Variants in SKAP2 observed in about 807,000 individuals in gnomAD.
The protein encoded by SKAP2 is src kinase-associated phosphoprotein 2.
In SKAP2, 28 loss-of-function variants were observed where a neutral mutation model predicts 54.9. The ratio of observed to expected loss-of-function variants is 0.51; its 90% confidence interval spans 0.38 to 0.70. SKAP2 has a LOEUF of 0.70. Ranked by LOEUF, SKAP2 falls within the 30% of genes least tolerant of loss-of-function variation. The probability of loss-of-function intolerance (pLI) is 0.00; values close to 1 mark genes in which losing one functional copy is unlikely to be tolerated. For missense variants in SKAP2, 356 were observed against 424.1 expected (o/e 0.84, Z 1.41); for synonymous variants, 137 against 134.3 (o/e 1.02, Z -0.14).
chr7:26,838,094 T>C (rs1054025893), intron 4 of SKAP2, among the ~76,000 whole-genome samples: 2 of 152,170 alleles, frequency 1.3e-5, no homozygotes, highest in African/African-American at 4.8e-5. Context: ...AGCAAAGCAT[T>C]TAGCTTGCTA....
chr7:26,684,982 A>C, intron 10 of SKAP2, 134 bp from the exon 11 acceptor site: 1 of 597,822 alleles, frequency 1.7e-6, no homozygotes, highest in South Asian at 2.2e-5. Flanking sequence ...TGAGTAAACG[A>C]ATACTTTATT....
At chr7:26,747,779 C>T (rs985685180) in intron 4 of SKAP2, among the ~76,000 whole-genome samples, 2 of 151,618 alleles carry the variant, frequency 1.3e-5, no homozygotes, top group Admixed American at 1.3e-4. Flanking sequence ...TCCTTTTCCC[C>T]CTCTTCCCTC....
At chr7:26,823,425 CAAAAAAAAAAA>C (rs60207927) in intron 4 of SKAP2, among the ~76,000 whole-genome samples, 1 of 94,018 alleles carries the variant, frequency 1.1e-5, no homozygotes, top group African/African-American at 4.5e-5. Context: ...GACTTTGTCT[CAAAAAAAAAAA>C]AAAAAAAAAC....
chr7:26,757,387 A>C (rs978446639), intron 4 of SKAP2, among the ~76,000 whole-genome samples: 7 of 152,202 alleles, frequency 4.6e-5, no homozygotes, highest in Admixed American at 3.9e-4. Context: ...AGCTTTCTAC[A>C]TATGGCTGGC....
chr7:26,725,368 A>T, intron 9 of SKAP2, 60 bp downstream of exon 9: 1 of 1,264,504 alleles, frequency 7.9e-7, no homozygotes, highest in Non-Finnish European at 1.1e-6. Context: ...ACACACACAC[A>T]CACTCACACA....
At chr7:26,791,482 C>T (rs1056862618) in intron 4 of SKAP2, among the ~76,000 whole-genome samples, 4 of 152,020 alleles carry the variant, frequency 2.6e-5, no homozygotes, top group African/African-American at 9.7e-5. Context: ...AGCCTCAATA[C>T]ACAATTTTTT....
intron 2 of SKAP2, 90 bp downstream of exon 2, chr7:26,854,695 T>C: frequency 3.1e-6 from 4 of 1,305,516 alleles, no homozygotes. Flanking sequence ...ATGAAAAATT[T>C]AACTCCATAA....
chr7:26,670,427 C>G (rs1290510411), intron 11 of SKAP2, among the ~76,000 whole-genome samples: 4 of 152,030 alleles, frequency 2.6e-5, no homozygotes, highest in African/African-American at 9.7e-5. Flanking sequence ...CAGAAACAAT[C>G]ACTCATGATG....
chr7:26,784,660 C>T (rs10262527), intron 4 of SKAP2, among the ~76,000 whole-genome samples: 12,921 of 152,246 alleles, frequency 0.085, 614 homozygotes, highest in Middle Eastern at 0.16. Flanking sequence ...TAATGATCAA[C>T]ACAGGCATCT....
At chr7:26,841,264 A>G (rs778751344) in intron 4 of SKAP2, among the ~76,000 whole-genome samples, 10 of 152,004 alleles carry the variant, frequency 6.6e-5, no homozygotes, top group Non-Finnish European at 1.5e-4. Context: ...ACCCTTTATC[A>G]GCTCACAATA....
chr7:26,674,004 A>T (rs1479931427), intron 11 of SKAP2, among the ~76,000 whole-genome samples: 2 of 152,132 alleles, frequency 1.3e-5, no homozygotes, highest in African/African-American at 4.8e-5. Context: ...CATGACTGTC[A>T]TTTATCGAGT....
chr7:26,822,885 A>C (rs1784410287), intron 4 of SKAP2, among the ~76,000 whole-genome samples: 1 of 151,830 alleles, frequency 6.6e-6, no homozygotes, highest in Non-Finnish European at 1.5e-5. Flanking sequence ...TCCGTCTCAA[A>C]AAAAAAAAAA....
chr7:26,817,293 A>C (rs1419894790), intron 4 of SKAP2, among the ~76,000 whole-genome samples: 1 of 152,104 alleles, frequency 6.6e-6, no homozygotes, highest in African/African-American at 2.4e-5. Context: ...ATAAAAATAC[A>C]TTGAAATACA....
intron 4 of SKAP2, among the ~76,000 whole-genome samples, chr7:26,741,471 C>A (rs1253140215): frequency 6.7e-6 from 1 of 149,680 alleles, no homozygotes; most frequent in Non-Finnish European, 1.5e-5. Flanking sequence ...CCCAAGAGGT[C>A]AAGGCTGCAG....
chr7:26,745,501 G>A (rs1325421096), intron 4 of SKAP2, among the ~76,000 whole-genome samples: 4 of 152,206 alleles, frequency 2.6e-5, no homozygotes, highest in Non-Finnish European at 5.9e-5. Context: ...CCTGGGGGGA[G>A]ATAGAGCTTC....
intron 9 of SKAP2, among the ~76,000 whole-genome samples, chr7:26,693,515 A>T (rs1786834173): frequency 6.6e-6 from 1 of 152,164 alleles, no homozygotes; most frequent in South Asian, 2.1e-4. Context: ...AAGTGCCAGT[A>T]ACATGTGCTC....
the SKAP2 span, among the ~76,000 whole-genome samples, chr7:26,659,608 A>C: frequency 6.6e-6 from 1 of 152,224 alleles, no homozygotes; most frequent in South Asian, 2.1e-4. Flanking sequence ...TAGCATGTTT[A>C]TTTGCAGGGA....
chr7:26,858,562 G>C (rs1415011159), intron 1 of SKAP2, among the ~76,000 whole-genome samples: 1 of 152,004 alleles, frequency 6.6e-6, no homozygotes, highest in African/African-American at 2.4e-5. Context: ...ACCCCTAAGA[G>C]GCAAACACAC....
intron 6 of SKAP2, among the ~76,000 whole-genome samples, chr7:26,731,481 C>T: frequency 6.6e-6 from 1 of 152,212 alleles, no homozygotes. Context: ...TTACATTACA[C>T]TCTCCCTGGG....
Sources: gnomAD v4.1 joint callset for allele counts (sites outside exome capture counted in the v4.1 genomes callset) on GRCh38, gnomAD v4.1.1 for gene constraint, MANE v1.5 for transcripts, NCBI Gene and HGNC (gene_info 2026-07-23, HGNC 2026-07-21) for gene names.